ATP2C1: variants seen among roughly 807,000 people sequenced by gnomAD.
The protein encoded by ATP2C1 is ATPase secretory pathway Ca2+ transporting 1, also known as calcium-transporting ATPase type 2C member 1.
A neutral mutation model predicts 120.5 loss-of-function variants in ATP2C1; 31 were observed. The observed-to-expected ratio is 0.26, with a 90% confidence interval of 0.19 to 0.35. The LOEUF (loss-of-function observed/expected upper bound fraction) is 0.35. Among genes scored for constraint, ATP2C1 ranks in the 10% least tolerant of loss-of-function variants. The pLI is 1.00. For synonymous variants in ATP2C1, 351 were observed against 358.7 expected (o/e 0.98, Z 0.24); for missense variants, 731 against 1,107.5 (o/e 0.66, Z 4.83).
In ATP2C1 at chr3:130,953,913, A is replaced by C; in HGVS notation, c.624A>C (p.Gly208=). The change falls in exon 9 of 28, where the codon GGA becomes GGC. Residue 208 remains glycine (G), a synonymous_variant. Transcript: ENST00000510168. ...CTCCTCAGCCAGCTGCAACTAATGGAGATCTTGCATCGAGAAGTAACATTG... is the reference window on the plus strand; with the variant it reads ...CTCCTCAGCCAGCTGCAACTAATGGCGATCTTGCATCGAGAAGTAACATTG... ...VTAPQPAATN[G]DLASRSNIAF... 6.2e-7 allele frequency: 1 copy of C among 1,614,098 alleles called. No individual in the cohort carries two copies. Among genetic ancestry groups the C allele is most frequent in the Non-Finnish European group, 8.5e-7 (1 of 1,179,972 alleles).
At chr3:130,971,605 T>C (rs956970790) in intron 17 of ATP2C1, among the ~76,000 whole-genome samples, 1 of 152,160 alleles carries the variant, frequency 6.6e-6, no homozygotes, top group African/African-American at 2.4e-5. Context: ...ATAAAAGATA[T>C]AAACTCAGAA....
chr3:130,935,899 G>GAC (rs2059648285), intron 5 of ATP2C1, among the ~76,000 whole-genome samples: 1 of 152,146 alleles, frequency 6.6e-6, no homozygotes, highest in African/African-American at 2.4e-5. Context: ...GAAATACAAT[G>GAC]GTTGTCTCAA....
Position 130,999,625 on chromosome 3 carries a change from G to A in ATP2C1, c.2595G>A (p.Gln865=). Residue 865 remains glutamine (Q), a synonymous_variant, in exon 27 of 28, where the codon CAG becomes CAA. Coordinates refer to ENST00000510168, the MANE Select transcript of ATP2C1 (RefSeq NM_001378687.1). ...QLLVIYFPPL[Q]KVFQTESLSI... ...TAGTTATTTACTTTCCTCCGCTTCA[G>A]AAGGTTTTTCAGACTGAGAGCCTAA... 6.2e-7 allele frequency: 1 copy of A among 1,613,542 alleles called. No individual in the cohort carries two copies. Among genetic ancestry groups the A allele is most frequent in the Non-Finnish European group, 8.5e-7 (1 of 1,179,650 alleles).
In ATP2C1 at chr3:130,907,591, A is replaced by G. The variant is rs551150994; in HGVS notation, c.6+12816A>G. On this transcript the variant is annotated intron_variant, in intron 2 of 27. Transcript: ENST00000510168. ...TCAATTGACCAGAAATTATGGGTTTATTTCTAGACTCTGAATTCTATTCTG... is the reference window on the plus strand; with the variant it reads ...TCAATTGACCAGAAATTATGGGTTTGTTTCTAGACTCTGAATTCTATTCTG... 3.3e-5 allele frequency among the ~76,000 whole-genome samples: 5 copies of G among 152,086 alleles called. No individual in the cohort carries two copies. In the South Asian group the frequency reaches 8.3e-4, roughly 25 times the overall value.
chr3:131,001,726 G>A lies in ATP2C1; in HGVS notation c.*376G>A. The A allele has an allele frequency of 1.3e-5, 13 of 972,604 alleles. No individual in the cohort carries two copies. The highest frequency in any genetic ancestry group is 1.5e-5 in the Non-Finnish European group (12 of 817,840). 60.2% of individuals were successfully genotyped at this position (972,604 alleles called of 1,614,324 possible). On this transcript the variant is annotated 3_prime_UTR_variant, in exon 28 of 28. Transcript: ENST00000510168. ...ATTTTTAAATATTGTACTATTTATG[G>A]TGGTGGGGCTTTCTTACTAATACAC...
intron 10 of ATP2C1, 50 bp from the exon 11 acceptor site, chr3:130,956,054 G>T: frequency 4.6e-6 from 6 of 1,293,902 alleles, no homozygotes; most frequent in Non-Finnish European, 6.7e-6. Flanking sequence ...ACTTGATAAA[G>T]CTTAGTAAAT....
intron 20 of ATP2C1, among the ~76,000 whole-genome samples, chr3:130,991,576 G>C (rs1198314277): frequency 1.3e-5 from 2 of 152,112 alleles, no homozygotes; most frequent in Non-Finnish European, 2.9e-5. Context: ...AAAGGGAAAG[G>C]GTGGCAGCTG....
At chr3:130,877,122 T>C (rs1402448560) in intron 1 of ATP2C1, among the ~76,000 whole-genome samples, 1 of 152,208 alleles carries the variant, frequency 6.6e-6, no homozygotes, top group African/African-American at 2.4e-5. Flanking sequence ...TAATCTATTT[T>C]GTCTGATATA....
intron 20 of ATP2C1, among the ~76,000 whole-genome samples, chr3:130,990,874 A>T (rs1464776738): frequency 3.3e-5 from 5 of 152,198 alleles, no homozygotes; most frequent in African/African-American, 1.2e-4. Context: ...AGCCTCAGCA[A>T]CTGCACATAT....
chr3:130,855,361 T>C (rs756410674), intron 1 of ATP2C1, among the ~76,000 whole-genome samples: 1 of 152,160 alleles, frequency 6.6e-6, no homozygotes, highest in African/African-American at 2.4e-5. Flanking sequence ...TGTAATTGAA[T>C]GGAAAAAGGG....
intron 14 of ATP2C1, among the ~76,000 whole-genome samples, chr3:130,966,455 C>A: frequency 6.6e-6 from 1 of 151,910 alleles, no homozygotes; most frequent in East Asian, 1.9e-4. Flanking sequence ...AGAGATGGAT[C>A]TTGCTTTGTT....
chr3:130,925,344 C>G (rs1020120643), intron 2 of ATP2C1, among the ~76,000 whole-genome samples: 2 of 152,162 alleles, frequency 1.3e-5, no homozygotes, highest in African/African-American at 4.8e-5. Context: ...TGTTTTTGCT[C>G]TTCTGGGTCT....
chr3:130,853,642 T>C (rs1451570948), intron 1 of ATP2C1, among the ~76,000 whole-genome samples: 1 of 152,234 alleles, frequency 6.6e-6, no homozygotes, highest in Non-Finnish European at 1.5e-5. Context: ...AGTGAAAAGC[T>C]TTCTCCAGTG....
chr3:130,879,803 G>A (rs1429732214), intron 1 of ATP2C1, among the ~76,000 whole-genome samples: 1 of 152,182 alleles, frequency 6.6e-6, no homozygotes, highest in Non-Finnish European at 1.5e-5. Context: ...TTCTTTGGCT[G>A]TCATCAACAT....
chr3:130,902,524 T>G (rs2057909688), intron 2 of ATP2C1, among the ~76,000 whole-genome samples: 1 of 118,198 alleles, frequency 8.5e-6, no homozygotes, highest in Admixed American at 8.2e-5. Context: ...AGCCCTTAAA[T>G]TTTACTTTTT....
intron 2 of ATP2C1, among the ~76,000 whole-genome samples, chr3:130,906,691 T>TTC (rs1553753588): frequency 2.0e-5 from 3 of 151,040 alleles, no homozygotes; most frequent in East Asian, 3.9e-4. Flanking sequence ...TTTTTTTTTT[T>TTC]CCATTGCATC....
chr3:130,868,174 C>T (rs898817350), intron 1 of ATP2C1: 3 of 147,944 alleles, frequency 2.0e-5, no homozygotes, highest in African/African-American at 7.6e-5. Flanking sequence ...GTGAGGGGCT[C>T]CTCTGCCCGG....
intron 11 of ATP2C1, among the ~76,000 whole-genome samples, chr3:130,957,220 C>T (rs1263450690): frequency 1.3e-4 from 20 of 152,178 alleles, no homozygotes; most frequent in Admixed American, 1.0e-3. Flanking sequence ...ATAATCTCTG[C>T]AATTAAGTTG....
intron 13 of ATP2C1, among the ~76,000 whole-genome samples, chr3:130,964,663 A>C (rs1200313478): frequency 3.3e-5 from 5 of 152,098 alleles, no homozygotes; most frequent in African/African-American, 9.7e-5. Context: ...TCTAGAAAAG[A>C]TGTTATATAA....
Sources: gnomAD v4.1 joint callset for allele counts (sites outside exome capture counted in the v4.1 genomes callset) on GRCh38, gnomAD v4.1.1 for gene constraint, MANE v1.5 for transcripts, NCBI Gene and HGNC (gene_info 2026-07-23, HGNC 2026-07-21) for gene names.